Variants in PKIB observed in about 807,000 individuals in gnomAD.
The protein encoded by PKIB is cAMP-dependent protein kinase inhibitor beta, also known as PKI-beta.
PKIB carries 2 observed loss-of-function variants against 4.5 expected under a neutral mutation model. That is an observed-to-expected ratio of 0.44 (90% CI 0.18 to 1.39). The LOEUF (loss-of-function observed/expected upper bound fraction) is 1.39. Among genes scored for constraint, PKIB ranks in the 40% most tolerant of loss-of-function variants. The pLI, the probability that PKIB is intolerant of heterozygous loss-of-function variation, is 0.27. For synonymous variants in PKIB, 38 were observed against 36.0 expected (o/e 1.06, Z -0.20); for missense variants, 94 against 92.6 (o/e 1.02, Z -0.06).
intron 2 of PKIB, among the ~76,000 whole-genome samples, chr6:122,660,428 C>T (rs1162283319): frequency 1.3e-5 from 2 of 152,146 alleles, no homozygotes; most frequent in African/African-American, 4.8e-5. Context: ...CTCTAAGGTC[C>T]CTTCCAAACT....
At chr6:122,712,305 A>G (rs2115057427) in intron 3 of PKIB, among the ~76,000 whole-genome samples, 1 of 152,340 alleles carries the variant, frequency 6.6e-6, no homozygotes, top group Admixed American at 6.5e-5. Flanking sequence ...GGAGCTCAAG[A>G]GATGACTGAA....
chr6:122,617,394 G>A (rs986401462), intron 1 of PKIB, among the ~76,000 whole-genome samples: 7 of 152,248 alleles, frequency 4.6e-5, no homozygotes, highest in Admixed American at 3.3e-4. Flanking sequence ...GATGCTTGTG[G>A]ACTTTTGCCA....
chr6:122,709,241 A>G (rs1408503389), intron 3 of PKIB, among the ~76,000 whole-genome samples: 1 of 152,184 alleles, frequency 6.6e-6, no homozygotes, highest in East Asian at 1.9e-4. Flanking sequence ...ATTCAACTTC[A>G]GAAGTGTTCA....
intron 1 of PKIB, among the ~76,000 whole-genome samples, chr6:122,472,193 C>G (rs1241948891): frequency 6.6e-6 from 1 of 152,292 alleles, no homozygotes; most frequent in South Asian, 2.1e-4. Context: ...AGTCTTTGTC[C>G]GTCCTAACTC....
intron 2 of PKIB, among the ~76,000 whole-genome samples, chr6:122,540,103 T>C (rs543185137): frequency 9.9e-5 from 15 of 152,106 alleles, no homozygotes; most frequent in African/African-American, 3.6e-4. Flanking sequence ...AGCGATCTAT[T>C]GATTTTGTTG....
chr6:122,586,677 A>G (rs1162378209), intron 3 of PKIB, among the ~76,000 whole-genome samples: 2 of 152,032 alleles, frequency 1.3e-5, no homozygotes, highest in Non-Finnish European at 2.9e-5. Context: ...CCCCTTCTTT[A>G]TTTCGCATGT....
chr6:122,657,896 G>A (rs1388931231), intron 2 of PKIB, among the ~76,000 whole-genome samples: 1 of 152,144 alleles, frequency 6.6e-6, no homozygotes, highest in Admixed American at 6.6e-5. Context: ...AAAGATAAGG[G>A]TTTTGTCATA....
At chr6:122,482,090 A>G (rs1294566048) in intron 2 of PKIB, 1 of 152,112 alleles carries the variant, frequency 6.6e-6, no homozygotes, top group Non-Finnish European at 1.5e-5. Context: ...CCTCGCGAGT[A>G]GCTGGGACTA....
intron 2 of PKIB, among the ~76,000 whole-genome samples, chr6:122,493,874 C>G (rs933244434): frequency 6.6e-6 from 1 of 152,106 alleles, no homozygotes; most frequent in African/African-American, 2.4e-5. Flanking sequence ...ACATTGTTCC[C>G]ACTAATCCTG....
At chr6:122,720,536 G>T (rs1198406590) in intron 4 of PKIB, among the ~76,000 whole-genome samples, 1 of 151,996 alleles carries the variant, frequency 6.6e-6, no homozygotes, top group Non-Finnish European at 1.5e-5. Context: ...CACCGAGAAG[G>T]GTTAGCCTAG....
chr6:122,689,320 C>G (rs1205266306), intron 3 of PKIB, among the ~76,000 whole-genome samples: 2 of 152,066 alleles, frequency 1.3e-5, no homozygotes, highest in Non-Finnish European at 2.9e-5. Context: ...TCAGTTTTCT[C>G]TTGCTTTTCT....
chr6:122,552,459 C>T (rs1002762197), intron 2 of PKIB, among the ~76,000 whole-genome samples: 3 of 152,150 alleles, frequency 2.0e-5, no homozygotes, highest in Non-Finnish European at 2.9e-5. Flanking sequence ...TCACTACAAC[C>T]TCCACCCCCT....
chr6:122,724,370 T>C (rs1779861361), intron 4 of PKIB, among the ~76,000 whole-genome samples: 1 of 152,156 alleles, frequency 6.6e-6, no homozygotes. Context: ...AGGAGCCAGC[T>C]CCAAAATTGT....
At chr6:122,690,336 T>C (rs1309836378) in intron 3 of PKIB, among the ~76,000 whole-genome samples, 2 of 152,108 alleles carry the variant, frequency 1.3e-5, no homozygotes, top group Non-Finnish European at 2.9e-5. Context: ...CTTTCCTGCG[T>C]TCCTTTTAGT....
chr6:122,695,203 C>T (rs1778523741), intron 3 of PKIB, among the ~76,000 whole-genome samples: 1 of 152,038 alleles, frequency 6.6e-6, no homozygotes, highest in South Asian at 2.1e-4. Context: ...ATTGTTGAGA[C>T]ATGAAAGGTA....
At chr6:122,626,279 C>T (rs1185455144) in intron 1 of PKIB, among the ~76,000 whole-genome samples, 1 of 152,066 alleles carries the variant, frequency 6.6e-6, no homozygotes, top group Non-Finnish European at 1.5e-5. Flanking sequence ...AACACATTTG[C>T]AAATATTCTT....
intron 2 of PKIB, among the ~76,000 whole-genome samples, chr6:122,654,131 G>A (rs942352398): frequency 1.2e-4 from 18 of 152,068 alleles, no homozygotes; most frequent in African/African-American, 3.4e-4. Flanking sequence ...CCATTGCCTC[G>A]TCTAGTCTTT....
At chr6:122,530,705 C>A (rs1315137984) in intron 2 of PKIB, among the ~76,000 whole-genome samples, 2 of 152,182 alleles carry the variant, frequency 1.3e-5, no homozygotes. Context: ...TTTTCAGCAG[C>A]TTCTAAACTC....
In PKIB at chr6:122,525,590, T is replaced by G. The variant is rs531646850; in HGVS notation, c.-248+47651T>G. Among the ~76,000 whole-genome samples, 6 of 152,332 alleles carry G rather than the reference T, an allele frequency of 3.9e-5. No homozygotes were observed. The South Asian group carries it at 1.0e-3, about 26-fold the overall frequency. ...AGATGTTTTGGTTTCACAGCACATA[T>G]GTTATGTTAACACTATACTATAGTC... On this transcript the variant is annotated intron_variant, in intron 2 of 6. Coordinates refer to the PKIB transcript ENST00000392491.
Sources: gnomAD v4.1 joint callset for allele counts (sites outside exome capture counted in the v4.1 genomes callset) on GRCh38, gnomAD v4.1.1 for gene constraint, MANE v1.5 for transcripts, NCBI Gene and HGNC (gene_info 2026-07-23, HGNC 2026-07-21) for gene names.